MICU3: variants seen among roughly 807,000 people sequenced by gnomAD.
MICU3 encodes mitochondrial calcium uptake 3.
In MICU3, 62 loss-of-function variants were observed where a neutral mutation model predicts 66.5. The ratio of observed to expected loss-of-function variants is 0.93; its 90% confidence interval spans 0.76 to 1.15. MICU3 has a LOEUF of 1.15. MICU3 is among the 50% of genes most tolerant of loss of function. The pLI, the probability that MICU3 is intolerant of heterozygous loss-of-function variation, is 0.00. For missense variants in MICU3, 779 were observed against 664.4 expected, an observed-to-expected ratio of 1.17 and a Z score of -1.90; for synonymous variants, 308 against 240.7, an observed-to-expected ratio of 1.28 and a Z score of -2.59.
chr8:17,053,821 C>T (rs1157214924), intron 1 of MICU3, among the ~76,000 whole-genome samples: 3 of 152,092 alleles, frequency 2.0e-5, no homozygotes, highest in South Asian at 2.1e-4. Flanking sequence ...ATTCCCTAAA[C>T]GTTTTTAGCA....
At chr8:17,065,043 G>A (rs1818468403) in intron 2 of MICU3, among the ~76,000 whole-genome samples, 1 of 152,048 alleles carries the variant, frequency 6.6e-6, no homozygotes. Flanking sequence ...TTCAATTTTG[G>A]TCATGTCTAT....
chr8:17,135,354 C>T, the MICU3 span, among the ~76,000 whole-genome samples: 293 of 151,414 alleles, frequency 1.9e-3, 2 homozygotes, highest in African/African-American at 6.2e-3. Flanking sequence ...GCTGAGATTG[C>T]GCCACTGCAC....
rs1812777527 is a variant in MICU3, at chr8:17,035,298, G to A, written c.381+7638G>A. 3.3e-5 allele frequency among the ~76,000 whole-genome samples: 5 copies of A among 152,186 alleles called. No homozygotes were observed. The South Asian group carries it at 1.0e-3, about 32-fold the overall frequency. On this transcript the variant is annotated intron_variant, in intron 1 of 14. Coordinates refer to ENST00000318063, the MANE Select transcript of MICU3 (RefSeq NM_181723.3). Reference sequence around the variant, plus strand: ...ATGGATACTGGTAGAGGGGGGTGCTGTTGTAAAGATAACCAAAAATGTGGA... The same window carrying A: ...ATGGATACTGGTAGAGGGGGGTGCTATTGTAAAGATAACCAAAAATGTGGA...
At chr8:17,098,328 A>C (rs201267398) in intron 8 of MICU3, 130 bp from the exon 9 acceptor site, 210 of 529,958 alleles carry the variant, frequency 4.0e-4, no homozygotes, top group African/African-American at 2.7e-3. Context: ...AGCAGAAAAC[A>C]AAACAAACAA....
At chr8:17,077,965 G>GCATACACATAGA in intron 4 of MICU3, 104 bp downstream of exon 4, 1 of 599,588 alleles carries the variant, frequency 1.7e-6, no homozygotes. Context: ...TTACATCTAT[G>GCATACACATAGA]TGTATGCATA....
At chr8:17,034,288 A>C (rs1369848424) in intron 1 of MICU3, among the ~76,000 whole-genome samples, 1 of 152,242 alleles carries the variant, frequency 6.6e-6, no homozygotes, top group African/African-American at 2.4e-5. Flanking sequence ...GATTCAGTTG[A>C]AAATATTACT....
At chr8:17,042,695 T>C (rs1357829910) in intron 1 of MICU3, among the ~76,000 whole-genome samples, 1 of 152,102 alleles carries the variant, frequency 6.6e-6, no homozygotes, top group Non-Finnish European at 1.5e-5. Context: ...GTTTTCTGCT[T>C]TTTTTCCTAT....
chr8:17,047,504 CAT>C (rs757109878), intron 1 of MICU3, among the ~76,000 whole-genome samples: 1 of 152,128 alleles, frequency 6.6e-6, no homozygotes, highest in Non-Finnish European at 1.5e-5. Flanking sequence ...TCTTCAGATT[CAT>C]ATGTCCTGAG....
the MICU3 span, among the ~76,000 whole-genome samples, chr8:17,130,227 A>T: frequency 6.6e-6 from 1 of 152,184 alleles, no homozygotes; most frequent in South Asian, 2.1e-4. Context: ...CCTTAAGTGT[A>T]TAAAAAGGCA....
At chr8:17,027,724 A>G (rs1183863905) in intron 1 of MICU3, 64 bp downstream of exon 1, 2 of 1,256,776 alleles carry the variant, frequency 1.6e-6, no homozygotes, top group Non-Finnish European at 2.0e-6. Context: ...GGTACGCAGG[A>G]CCCTGGAGGC....
chr8:17,056,366 C>A (rs1241698077), intron 1 of MICU3, among the ~76,000 whole-genome samples: 1 of 152,202 alleles, frequency 6.6e-6, no homozygotes, highest in Non-Finnish European at 1.5e-5. Flanking sequence ...CCAAATGAAT[C>A]ATATGCTGCA....
At position 17,110,285 on chromosome 8, in the gene MICU3, T is replaced by C. The variant is rs898371331; in HGVS notation, c.1258-3808T>C. Among the ~76,000 whole-genome samples, 4 of 152,278 alleles carry C rather than the reference T, an allele frequency of 2.6e-5. No homozygotes were observed. The South Asian group carries it at 8.3e-4, about 32-fold the overall frequency. On this transcript the variant is annotated intron_variant, in intron 11 of 14. Coordinates refer to ENST00000318063, the MANE Select transcript of MICU3 (RefSeq NM_181723.3). The stretch of plus-strand genomic sequence containing the variant: ...AGGTAAAATTTGTATAACAAAAAAT[T>C]AACCGTTTTAAACTGAATAATTCAG...
At chr8:17,096,462 A>G (rs959551471) in intron 8 of MICU3, among the ~76,000 whole-genome samples, 2 of 151,866 alleles carry the variant, frequency 1.3e-5, no homozygotes, top group Non-Finnish European at 2.9e-5. Flanking sequence ...AACATTTAAA[A>G]CTGTCTCCAG....
chr8:17,060,843 T>C (rs1817725974), intron 1 of MICU3, among the ~76,000 whole-genome samples: 1 of 151,124 alleles, frequency 6.6e-6, no homozygotes, highest in Non-Finnish European at 1.5e-5. Flanking sequence ...CTTTCCAAAC[T>C]CCTTACTGAC....
chr8:17,127,866 C>CA, the MICU3 span, among the ~76,000 whole-genome samples: 4 of 151,062 alleles, frequency 2.6e-5, no homozygotes, highest in Non-Finnish European at 5.9e-5. Context: ...CCTTCAAAAA[C>CA]AAAAAACAAA....
intron 2 of MICU3, among the ~76,000 whole-genome samples, chr8:17,068,235 A>C (rs190353446): frequency 6.6e-6 from 1 of 152,254 alleles, no homozygotes; most frequent in East Asian, 1.9e-4. Context: ...TTGAAGAGCA[A>C]TCTTAATGGC....
At chr8:17,095,287 C>G (rs1334511011) in intron 8 of MICU3, among the ~76,000 whole-genome samples, 1 of 151,862 alleles carries the variant, frequency 6.6e-6, no homozygotes, top group Admixed American at 6.6e-5. Context: ...AGTCTCTGTT[C>G]AGATTCTTTA....
At chr8:17,115,132 A>G (rs1802565935) in intron 12 of MICU3, among the ~76,000 whole-genome samples, 1 of 152,032 alleles carries the variant, frequency 6.6e-6, no homozygotes, top group Non-Finnish European at 1.5e-5. Flanking sequence ...AAAAAAAAAA[A>G]AACCCCAGAG....
chr8:17,109,346 T>C (rs1802002598), intron 11 of MICU3, among the ~76,000 whole-genome samples: 1 of 152,174 alleles, frequency 6.6e-6, no homozygotes, highest in Admixed American at 6.6e-5. Flanking sequence ...ACAGATTTAT[T>C]CACTCATGAT....
Sources: gnomAD v4.1 joint callset for allele counts (sites outside exome capture counted in the v4.1 genomes callset) on GRCh38, gnomAD v4.1.1 for gene constraint, MANE v1.5 for transcripts, NCBI Gene and HGNC (gene_info 2026-07-23, HGNC 2026-07-21) for gene names.